MAX: variants seen among roughly 807,000 people sequenced by gnomAD.
MAX encodes protein max.
MAX carries 3 observed loss-of-function variants against 22.3 expected under a neutral mutation model. The ratio of observed to expected loss-of-function variants is 0.13; its 90% CI spans 0.06 to 0.35. The LOEUF (loss-of-function observed/expected upper bound fraction) is 0.35, where lower values mean the gene tolerates loss of function less well. Among genes scored for constraint, MAX ranks in the 10% least tolerant of loss-of-function variants. MAX has a pLI of 1.00. For synonymous variants in MAX, 72 were observed against 77.7 expected (o/e 0.93, Z 0.39); for missense variants, 119 against 209.4 (o/e 0.57, Z 2.66).
rs1244048189 is a variant in MAX at position 65,093,901 on chromosome 14, G to A, written c.64-86C>T. The A allele has an allele frequency of 7.3e-6, 6 of 824,142 alleles. No homozygotes were observed. The highest frequency in any genetic ancestry group is 2.4e-5 in the East Asian group (1 of 41,260). 51.1% of individuals were successfully genotyped at this position (824,142 alleles called of 1,614,324 possible). ...GGTGGGGTACAGCCTGGAAGTACAC[G>A]CTGTCAGCACTGTCCCTGGCGAGTG... On this transcript the variant is annotated intron_variant, in intron 2 of 4. Coordinates refer to ENST00000358664, the MANE Select transcript of MAX (RefSeq NM_002382.5). This position sits in a 1 kb window ranked among gnomAD's most constrained non-coding sequence, Gnocchi z 4.4.
At chr14:65,071,690 C>T (rs1028982848), downstream of MAX, among the ~76,000 whole-genome samples, 1 of 152,352 alleles carries the variant, frequency 6.6e-6, no homozygotes, top group African/African-American at 2.4e-5. This position sits in a 1 kb window ranked among gnomAD's most constrained non-coding sequence, Gnocchi z 4.2. Flanking sequence ...TCCAGACAGG[C>T]GGGCTCAGAG....
In MAX at chr14:65,084,266, C is replaced by T. The variant is rs148339628; in HGVS notation, c.172-6230G>A. ...TGCATCAAACTTTGACGATGAAGGA[C>T]AGGAGTACACAATTTCCAAAAGAGG... On this transcript the variant is annotated intron_variant, in intron 3 of 4. Coordinates refer to ENST00000358664, the MANE Select transcript of MAX (RefSeq NM_002382.5). This position sits in a 1 kb window ranked among gnomAD's most constrained non-coding sequence, Gnocchi z 4.3. 1,631 of 1,611,740 alleles carry T rather than the reference C, an allele frequency of 1.0e-3. 1 individual carries two copies. The highest frequency in any genetic ancestry group is 1.9e-3 in the Admixed American group (113 of 59,980).
In MAX at chr14:65,079,801, G is replaced by A. The variant is rs545111480; in HGVS notation, c.172-1765C>T. 2.5e-4 allele frequency among the ~76,000 whole-genome samples: 38 copies of A among 152,350 alleles called. No individual in the cohort carries two copies. Among genetic ancestry groups the A allele is most frequent in the African/African-American group, 8.9e-4 (37 of 41,580 alleles). On this transcript the variant is annotated intron_variant, in intron 3 of 4. Transcript: ENST00000358664. This position sits in a 1 kb window ranked among gnomAD's most constrained non-coding sequence, Gnocchi z 4.5. ...TTTGGGCTGAGTTTCAGAAAGGTTT[G>A]TAAGGCCCGTGCTTATTCATAAGTC...
At chr14:65,073,844 C>T (rs908991707), downstream of MAX, among the ~76,000 whole-genome samples, 13 of 152,228 alleles carry the variant, frequency 8.5e-5, 1 homozygote, top group Non-Finnish European at 1.5e-5. Flanking sequence ...CCAAAGTCCG[C>T]TCACCATGTC....
In MAX at chr14:65,012,360, G is replaced by T; in HGVS notation, c.172-6076C>A. Reference sequence around the variant, plus strand: ...GAAGCACTTCCATTATCTGAAAAGAGGCCTTCGACAACTGACAGATGCCTA... The same window carrying T: ...GAAGCACTTCCATTATCTGAAAAGATGCCTTCGACAACTGACAGATGCCTA... On this transcript the variant is annotated intron_variant, in intron 3 of 3. Coordinates refer to the MAX transcript ENST00000341653. This position sits in a 1 kb window ranked among gnomAD's most constrained non-coding sequence, Gnocchi z 5.0. 6.2e-7 allele frequency: 1 copy of T among 1,614,182 alleles called. No homozygotes were observed.
At chr14:65,065,968 G>C (rs2062927390) in intron 3 of MAX, among the ~76,000 whole-genome samples, 1 of 152,172 alleles carries the variant, frequency 6.6e-6, no homozygotes, top group Non-Finnish European at 1.5e-5. Flanking sequence ...TGGTGCCTGA[G>C]CCCGAGCCCG....
rs1475589690 is a variant in MAX, at chr14:65,093,990, G to C, written c.64-175C>G. On this transcript the variant is annotated intron_variant, in intron 2 of 4. Transcript: ENST00000358664. This position sits in a 1 kb window ranked among gnomAD's most constrained non-coding sequence, Gnocchi z 4.4. ...TCCAGAATTAGGCTCTGCTAAAGGG[G>C]GAGAAAGGGGTGAGCAACGCTTGCG... 1.5e-6 allele frequency: 1 copy of C among 666,168 alleles called. No individual in the cohort carries two copies. Among genetic ancestry groups the C allele is most frequent in the East Asian group, 2.7e-5 (1 of 36,440 alleles). 41.3% of individuals were successfully genotyped at this position (666,168 alleles called of 1,614,324 possible).
chr14:65,066,857 C>A, intron 3 of MAX, among the ~76,000 whole-genome samples: 3 of 101,544 alleles, frequency 3.0e-5, no homozygotes, highest in Non-Finnish European at 1.9e-5. Context: ...AGTGAAATTC[C>A]ATCTCAAAAA....
intron 2 of MAX, among the ~76,000 whole-genome samples, chr14:65,096,175 A>G (rs1482075416): frequency 2.6e-5 from 4 of 152,230 alleles, no homozygotes; most frequent in African/African-American, 9.6e-5. Flanking sequence ...TTGTTCTCAA[A>G]GTAGTGGATG....
chr14:65,046,195 C>T (rs1000466369), intron 3 of MAX, among the ~76,000 whole-genome samples: 2 of 151,758 alleles, frequency 1.3e-5, no homozygotes, highest in African/African-American at 4.8e-5. Context: ...AGGCTGGTCT[C>T]GAACTCCTGA....
chr14:65,078,141 G>GT lies in MAX; in HGVS notation c.172-106dup, dbSNP rs2063109868. On this transcript the variant is annotated intron_variant, in intron 3 of 4. Transcript: ENST00000358664. This position sits in a 1 kb window ranked among gnomAD's most constrained non-coding sequence, Gnocchi z 6.4. ...TGCTTGGGTGGCTGGAAACGAGAGGGTAAGGTGGGAAAAGGCTGAAGAAAT... is the reference window on the plus strand; with the variant it reads ...TGCTTGGGTGGCTGGAAACGAGAGGGTTAAGGTGGGAAAAGGCTGAAGAAAT... 2.4e-6 allele frequency: 3 copies of GT among 1,249,228 alleles called. No homozygotes were observed. The highest frequency in any genetic ancestry group is 3.5e-6 in the Non-Finnish European group (3 of 855,020). 77.4% of individuals were successfully genotyped at this position (1,249,228 alleles called of 1,614,324 possible). A position where few individuals can be genotyped will look rare whatever the true frequency, so the allele number is the denominator to read the frequency against.
At chr14:65,074,647 T>G (rs182192793), downstream of MAX, among the ~76,000 whole-genome samples, 41 of 152,358 alleles carry the variant, frequency 2.7e-4, no homozygotes, top group East Asian at 6.7e-3. Flanking sequence ...GGTCCCAGTC[T>G]GAGTAGAGCT....
At chr14:65,055,056 T>C (rs1222561499) in intron 3 of MAX, among the ~76,000 whole-genome samples, 1 of 152,252 alleles carries the variant, frequency 6.6e-6, no homozygotes, top group Non-Finnish European at 1.5e-5. Flanking sequence ...CGGCACTGGC[T>C]GTACAGCCTG....
chr14:65,061,149 T>C, intron 3 of MAX: 1 of 1,612,200 alleles, frequency 6.2e-7, no homozygotes, highest in Non-Finnish European at 8.5e-7. Flanking sequence ...ACCACCGGGG[T>C]GATTAACTGG....
rs534514318 is a variant in MAX at position 65,101,817 on chromosome 14, G to A, written c.37-245C>T. The A allele has an allele frequency of 3.1e-4, 176 of 572,376 alleles. No homozygotes were observed. In the African/African-American group the frequency reaches 3.1e-3, roughly 10 times the overall value. The allele number at this position is 572,376 out of a possible 1,614,324, so 35.5% of individuals were successfully genotyped here. Reference sequence around the variant, plus strand: ...ATCCGACCTGGGCCAGAGGGGTCCCGAGCACTGTCTCCTCCCTGCAGACCC... The same window carrying A: ...ATCCGACCTGGGCCAGAGGGGTCCCAAGCACTGTCTCCTCCCTGCAGACCC... On this transcript the variant is annotated intron_variant, in intron 1 of 4. Transcript: ENST00000358664.
At position 65,037,404 on chromosome 14, in the gene MAX, T is replaced by TC. The variant is rs2062222140; in HGVS notation, c.172-31121_172-31120insG. ...AGGCGTGAGCCACCACGCCGGGCCC[T>TC]TTTTTTTTTTTTTTTTTTTTTTTTT... is the stretch of plus-strand genomic sequence containing the variant. On this transcript the variant is annotated intron_variant, in intron 3 of 3. Coordinates refer to the MAX transcript ENST00000341653. 4.0e-4 allele frequency among the ~76,000 whole-genome samples: 5 copies of TC among 12,570 alleles called. 2 individuals carry two copies. Among genetic ancestry groups the TC allele is most frequent in the Admixed American group, 1.0e-3 (1 of 998 alleles). 8.2% of individuals were successfully genotyped at this position (12,570 alleles called of 152,430 possible).
chr14:65,093,254 C>T lies in MAX; in HGVS notation c.171+454G>A, dbSNP rs2063562433. ...TTGGGGCTGGAAAATCAATGGTGCC[C>T]AGGTTGTTTTTCACATACATTACAC... is the stretch of plus-strand genomic sequence containing the variant. On this transcript the variant is annotated intron_variant, in intron 3 of 4. Transcript: ENST00000358664. The surrounding 1 kb of genome is among the most constrained non-coding windows in gnomAD (Gnocchi z 4.4). Among the ~76,000 whole-genome samples, 1 of 152,106 alleles carries T rather than the reference C, an allele frequency of 6.6e-6. No homozygotes were observed. Among genetic ancestry groups the T allele is most frequent in the East Asian group, 1.9e-4 (1 of 5,194 alleles).
intron 3 of MAX, among the ~76,000 whole-genome samples, chr14:65,020,976 T>C (rs11627485): frequency 0.36 from 54,163 of 151,934 alleles, 10,287 homozygotes; most frequent in Non-Finnish European, 0.43. Flanking sequence ...GTGATACACC[T>C]GTCTTGGCTT....
chr14:65,022,564 G>A (rs2061908867), intron 3 of MAX, among the ~76,000 whole-genome samples: 2 of 151,668 alleles, frequency 1.3e-5, no homozygotes, highest in Non-Finnish European at 1.5e-5. Context: ...ATAAGGTCTC[G>A]CTGTATTGCC....
Sources: allele counts gnomAD v4.1 joint callset (sites outside exome capture counted in the v4.1 genomes callset), GRCh38; gene constraint gnomAD v4.1.1; non-coding constraint Gnocchi (gnomAD v3.1); transcripts MANE v1.5; gene names NCBI Gene and HGNC (gene_info 2026-07-23, HGNC 2026-07-21).